LOXHD1: variants seen among roughly 807,000 people sequenced by gnomAD.
The protein encoded by LOXHD1 is lipoxygenase homology domain-containing protein 1.
A neutral mutation model predicts 248.2 loss-of-function variants in LOXHD1; 205 were observed. The ratio of observed to expected loss-of-function variants is 0.83; its 90% CI spans 0.74 to 0.93. The LOEUF (loss-of-function observed/expected upper bound fraction) is 0.93, where lower values mean the gene tolerates loss of function less well. Ranked by LOEUF, LOXHD1 falls within the 40% of genes least tolerant of loss-of-function variation. LOXHD1 has a pLI of 0.00. For synonymous variants in LOXHD1, 1,113 were observed against 1,162.8 expected, an observed-to-expected ratio of 0.96 and a Z score of 0.87; for missense variants, 2,930 against 2,971.6, an observed-to-expected ratio of 0.99 and a Z score of 0.33.
chr18:46,538,566 G>A (rs1277470782), intron 25 of LOXHD1, among the ~76,000 whole-genome samples: 1 of 152,158 alleles, frequency 6.6e-6, no homozygotes, highest in African/African-American at 2.4e-5. Context: ...CCTCAGACCA[G>A]GGTGTGTGAG....
At chr18:46,649,341 C>G in intron 1 of LOXHD1, 72 bp from the exon 2 acceptor site, 1 of 1,324,756 alleles carries the variant, frequency 7.5e-7, no homozygotes, top group Non-Finnish European at 1.0e-6. Context: ...CCTGGAGAAT[C>G]CAGCCCTTGC....
chr18:46,585,284 G>C (rs550928270), intron 12 of LOXHD1, among the ~76,000 whole-genome samples: 30 of 152,052 alleles, frequency 2.0e-4, no homozygotes, highest in Non-Finnish European at 3.5e-4. Flanking sequence ...ACATAACTAT[G>C]TATTTATAAA....
At chr18:46,628,662 T>A (rs1025981531) in intron 4 of LOXHD1, among the ~76,000 whole-genome samples, 4 of 152,092 alleles carry the variant, frequency 2.6e-5, no homozygotes, top group Non-Finnish European at 1.5e-5. Flanking sequence ...CTTAAGCCTG[T>A]GCATCTCAGA....
chr18:46,631,913 C>T (rs1275435435), intron 4 of LOXHD1, among the ~76,000 whole-genome samples: 1 of 152,166 alleles, frequency 6.6e-6, no homozygotes, highest in Admixed American at 6.5e-5. Context: ...CCACTTCCAA[C>T]GGGTCCCTTG....
intron 33 of LOXHD1, chr18:46,518,933 G>T: frequency 2.0e-6 from 2 of 985,526 alleles, no homozygotes; most frequent in Non-Finnish European, 2.4e-6. Flanking sequence ...CTAGTTCCAT[G>T]ATGTTCACTT....
At chr18:46,612,493 A>G (rs1302584467) in intron 5 of LOXHD1, among the ~76,000 whole-genome samples, 1 of 152,140 alleles carries the variant, frequency 6.6e-6, no homozygotes, top group African/African-American at 2.4e-5. Context: ...GTTCATGAAT[A>G]TATTTTGGCC....
rs115156354 is a variant in LOXHD1, at chr18:46,621,470, A to T, written c.512-3180T>A. Among the ~76,000 whole-genome samples, 1,085 of 152,326 alleles carry T rather than the reference A, an allele frequency of 7.1e-3. 9 individuals are homozygous for T. The highest frequency in any genetic ancestry group is 0.025 in the African/African-American group (1,050 of 41,576). On this transcript the variant is annotated intron_variant, in intron 4 of 40. Coordinates refer to ENST00000642948, the MANE Select transcript of LOXHD1 (RefSeq NM_001384474.1). ...AGGTGCATCTGCCGATGAGAGAACA[A>T]GGCTGAGGAAAAGCAGGGCTCCATT...
intron 40 of LOXHD1, among the ~76,000 whole-genome samples, chr18:46,480,913 G>A (rs1367590139): frequency 6.6e-6 from 1 of 152,138 alleles, no homozygotes; most frequent in Non-Finnish European, 1.5e-5. Flanking sequence ...AACAATAAAG[G>A]TGTTTTCAGT....
chr18:46,558,797 G>A (rs1359564223), intron 20 of LOXHD1, among the ~76,000 whole-genome samples: 6 of 152,138 alleles, frequency 3.9e-5, no homozygotes, highest in Admixed American at 1.3e-4. Flanking sequence ...GAAGAGTAAG[G>A]TATGTGTATT....
Position 46,605,311 on chromosome 18 carries a change from G to T in LOXHD1, c.760-1082C>A, listed in dbSNP as rs1244223791. 2.0e-5 allele frequency among the ~76,000 whole-genome samples: 3 copies of T among 152,090 alleles called. No homozygotes were observed. In the East Asian group the frequency reaches 5.8e-4, roughly 29 times the overall value. On this transcript the variant is annotated intron_variant, in intron 6 of 40. Transcript: ENST00000642948. ...GGAGGCCGAGGCGGGAGGATCACGA[G>T]GTCAGGAGATCAAGACCATCCTGGC...
chr18:46,611,007 G>C (rs2038500066), intron 5 of LOXHD1, 83 bp from the exon 6 acceptor site: 6 of 1,493,492 alleles, frequency 4.0e-6, no homozygotes. Flanking sequence ...CCCACTGAAA[G>C]ATGCTCTTCC....
intron 5 of LOXHD1, among the ~76,000 whole-genome samples, chr18:46,611,257 A>G (rs2035789817): frequency 6.6e-6 from 1 of 152,222 alleles, no homozygotes; most frequent in Non-Finnish European, 1.5e-5. Flanking sequence ...CAATAGCCAC[A>G]GCAGTTGGTA....
At chr18:46,576,418 C>T (rs1413699741) in intron 14 of LOXHD1, among the ~76,000 whole-genome samples, 1 of 152,084 alleles carries the variant, frequency 6.6e-6, no homozygotes, top group East Asian at 1.9e-4. Context: ...ACATGCCAGG[C>T]GCCCCTTGCC....
chr18:46,532,527 G>T (rs2036117611), intron 28 of LOXHD1, among the ~76,000 whole-genome samples: 2 of 152,202 alleles, frequency 1.3e-5, no homozygotes. Flanking sequence ...AGAGAGGTAG[G>T]AAGAGAACTA....
At chr18:46,619,115 A>C (rs16939796) in intron 4 of LOXHD1, among the ~76,000 whole-genome samples, 22,406 of 152,124 alleles carry the variant, frequency 0.15, 2,836 homozygotes, top group African/African-American at 0.35. Flanking sequence ...GGGAAGGGGA[A>C]TCCTCCAGCT....
intron 5 of LOXHD1, among the ~76,000 whole-genome samples, chr18:46,616,803 T>C (rs562766067): frequency 2.0e-5 from 3 of 152,238 alleles, no homozygotes; most frequent in Non-Finnish European, 4.4e-5. Context: ...ATAACCTACA[T>C]AGGTTGCTGA....
intron 29 of LOXHD1, 95 bp downstream of exon 29, chr18:46,529,082 T>C: frequency 6.9e-7 from 1 of 1,443,328 alleles, no homozygotes; most frequent in African/African-American, 1.4e-5. Flanking sequence ...CCCCATGGAG[T>C]TCCTGGATGT....
chr18:46,599,976 ATGG>A (rs879800733), intron 8 of LOXHD1, among the ~76,000 whole-genome samples: 9 of 152,238 alleles, frequency 5.9e-5, no homozygotes, highest in Non-Finnish European at 1.3e-4. Context: ...GGAGAGTAAA[ATGG>A]TGCAACTATT....
chr18:46,481,679 G>T (rs557399474), intron 40 of LOXHD1, among the ~76,000 whole-genome samples: 1 of 152,162 alleles, frequency 6.6e-6, no homozygotes, highest in Non-Finnish European at 1.5e-5. Context: ...CTTCCTCCCC[G>T]CTCCAGCCCT....
Sources: allele counts gnomAD v4.1 joint callset (sites outside exome capture counted in the v4.1 genomes callset), GRCh38; gene constraint gnomAD v4.1.1; transcripts MANE v1.5; gene names NCBI Gene and HGNC (gene_info 2026-07-23, HGNC 2026-07-21).